The following EHD3 variants were observed in gnomAD, a reference collection of about 807,000 sequenced individuals.
EHD3 encodes EH domain-containing protein 3.
Under a neutral mutation model 43.0 loss-of-function variants are expected in EHD3, and 17 were observed. The ratio of observed to expected loss-of-function variants is 0.40; its 90% CI spans 0.27 to 0.59. The LOEUF (loss-of-function observed/expected upper bound fraction) is 0.59. EHD3 is among the 20% of genes least tolerant of loss of function. The probability of loss-of-function intolerance (pLI) is 0.49; values close to 1 mark genes in which losing one functional copy is unlikely to be tolerated. For synonymous variants in EHD3, 313 were observed against 289.5 expected (o/e 1.08, Z -0.82); for missense variants, 594 against 705.6 (o/e 0.84, Z 1.79).
At chr2:31,253,709 C>T (rs1163647491) in intron 3 of EHD3, among the ~76,000 whole-genome samples, 1 of 152,090 alleles carries the variant, frequency 6.6e-6, no homozygotes, top group Non-Finnish European at 1.5e-5. Flanking sequence ...AGGGTGTGGA[C>T]CCTCTACTGG....
At chr2:31,237,258 T>A (rs1362679609) in intron 1 of EHD3, among the ~76,000 whole-genome samples, 2 of 151,860 alleles carry the variant, frequency 1.3e-5, no homozygotes, top group Non-Finnish European at 2.9e-5. Context: ...ATCCCATGAC[T>A]TAGGAGAAGC....
rs772612135 is a variant in EHD3, at chr2:31,244,413, A to C, written c.367A>C (p.Arg123=). 1 of 1,614,180 alleles carries C rather than the reference A, an allele frequency of 6.2e-7. No homozygotes were observed. Among genetic ancestry groups the C allele is most frequent in the Non-Finnish European group, 8.5e-7 (1 of 1,180,032 alleles). ...ALVVDPKKPF[R]KLNAFGNAFL... is the part of the protein sequence containing the mutation. ...GGTGGTGGATCCCAAGAAACCCTTC[A>C]GGAAACTCAACGCCTTTGGCAACGC... is the stretch of plus-strand genomic sequence containing the variant. The change falls in exon 2 of 6, where the codon AGG becomes CGG. Residue 123 remains arginine, a synonymous_variant. Coordinates refer to ENST00000322054, the MANE Select transcript of EHD3 (RefSeq NM_014600.3).
chr2:31,250,268 C>CT lies in EHD3; in HGVS notation c.502+817dup, dbSNP rs34290931. On this transcript the variant is annotated intron_variant, in intron 3 of 5. Coordinates refer to ENST00000322054, the MANE Select transcript of EHD3 (RefSeq NM_014600.3). The stretch of plus-strand genomic sequence containing the variant: ...TGATCATCATCATCATCGTTGTTTT[C>CT]TTTTTTTTTTTTTTTTTGAGACAGA... Among the ~76,000 whole-genome samples, 664 of 126,066 alleles carry CT rather than the reference C, an allele frequency of 5.3e-3. 6 individuals are homozygous for CT. Among genetic ancestry groups the CT allele is most frequent in the African/African-American group, 0.015 (551 of 35,990 alleles). The allele number at this position is 126,066 out of a possible 152,430, so 82.7% of individuals were successfully genotyped here.
chr2:31,245,594 T>C (rs1322056624), intron 2 of EHD3, among the ~76,000 whole-genome samples: 1 of 143,618 alleles, frequency 7.0e-6, no homozygotes, highest in African/African-American at 2.6e-5. Context: ...GGAGTTTCAC[T>C]CTTGTTGCCC....
chr2:31,241,718 C>A (rs1683428318), intron 1 of EHD3, among the ~76,000 whole-genome samples: 1 of 151,492 alleles, frequency 6.6e-6, no homozygotes. Context: ...GAGTTAAGTA[C>A]CCCCTGAAGA....
chr2:31,262,601 G>T (rs948626951), intron 5 of EHD3, among the ~76,000 whole-genome samples: 2 of 152,206 alleles, frequency 1.3e-5, no homozygotes, highest in African/African-American at 4.8e-5. Flanking sequence ...TACAATGTTT[G>T]CAACTTCTTA....
chr2:31,242,918 C>G (rs898534504), intron 1 of EHD3, among the ~76,000 whole-genome samples: 5 of 151,796 alleles, frequency 3.3e-5, no homozygotes, highest in African/African-American at 1.2e-4. Context: ...TGAGATCATG[C>G]CATTGCACTC....
chr2:31,263,453 A>G (rs1683890019), intron 5 of EHD3, among the ~76,000 whole-genome samples: 1 of 152,188 alleles, frequency 6.6e-6, no homozygotes, highest in Admixed American at 6.5e-5. Context: ...GTGGGTGTCC[A>G]TCGTAGGGTA....
chr2:31,252,283 C>T (rs1444331864), intron 3 of EHD3, among the ~76,000 whole-genome samples: 1 of 152,202 alleles, frequency 6.6e-6, no homozygotes, highest in African/African-American at 2.4e-5. Flanking sequence ...CTTCCTCCCT[C>T]CCTCCCTGTC....
At position 31,266,684 on chromosome 2, in the gene EHD3, A is replaced by G; in HGVS notation, c.1588A>G (p.Lys530Glu). 6.2e-7 allele frequency: 1 copy of G among 1,606,546 alleles called. No individual in the cohort carries two copies. The highest frequency in any genetic ancestry group is 8.5e-7 in the Non-Finnish European group (1 of 1,175,200). ...ELPAHLLPPS[K>E]RKVAE ...GCCTGCCCACCTCCTGCCCCCGTCC[A>G]AGAGGAAAGTTGCCGAGTGATGGGG... The change falls in exon 6 of 6, where the codon AAG (lysine) becomes GAG (glutamate). Residue 530 changes from lysine (K) to glutamate (E), a missense_variant. Physicochemically the swap from Lys to Glu is moderately conservative, Grantham distance 56 (BLOSUM62 1). Coordinates refer to ENST00000322054, the MANE Select transcript of EHD3 (RefSeq NM_014600.3). This position sits in a 1 kb window ranked among gnomAD's most constrained non-coding sequence, Gnocchi z 5.1.
chr2:31,248,891 G>T (rs1282588649), intron 2 of EHD3, among the ~76,000 whole-genome samples: 1 of 152,142 alleles, frequency 6.6e-6, no homozygotes, highest in Non-Finnish European at 1.5e-5. Context: ...AGTCCCTCCT[G>T]CCCCGCTAGT....
At chr2:31,263,001 C>A (rs1183195607) in intron 5 of EHD3, among the ~76,000 whole-genome samples, 3 of 152,196 alleles carry the variant, frequency 2.0e-5, no homozygotes, top group Non-Finnish European at 4.4e-5. Flanking sequence ...TTGTTTTGAT[C>A]TTTAGCTTGG....
chr2:31,248,403 G>T (rs1001734064), intron 2 of EHD3, among the ~76,000 whole-genome samples: 6 of 152,114 alleles, frequency 3.9e-5, no homozygotes, highest in Non-Finnish European at 8.8e-5. Flanking sequence ...CACTACATCT[G>T]ACTTCTCTCA....
At chr2:31,252,472 T>TGTTGC (rs1558649683) in intron 3 of EHD3, among the ~76,000 whole-genome samples, 2 of 152,056 alleles carry the variant, frequency 1.3e-5, no homozygotes, top group African/African-American at 4.8e-5. Flanking sequence ...GTTGTTGTTG[T>TGTTGC]TGTTGCTGTT....
chr2:31,245,738 T>TC (rs1683509671), intron 2 of EHD3, among the ~76,000 whole-genome samples: 1 of 139,956 alleles, frequency 7.1e-6, no homozygotes, highest in Non-Finnish European at 1.5e-5. Context: ...ATTTTGTGTT[T>TC]TTTTTTTTTT....
chr2:31,244,597 CT>C (rs1683484617), intron 2 of EHD3, 147 bp downstream of exon 2: 1 of 908,338 alleles, frequency 1.1e-6, no homozygotes, highest in African/African-American at 1.7e-5. Flanking sequence ...CCCTTGCTTG[CT>C]GAGAGTGTAA....
intron 3 of EHD3, among the ~76,000 whole-genome samples, chr2:31,253,246 CCACACACACACACACACACACA>C (rs34392955): frequency 7.0e-6 from 1 of 142,014 alleles, no homozygotes; most frequent in Non-Finnish European, 1.5e-5. Context: ...CAACCCCCTC[CCACACACACACACACACACACA>C]CACACACACA....
Position 31,266,795 on chromosome 2 carries a change from AACAT to A in EHD3, c.*92_*95del. On this transcript the variant is annotated 3_prime_UTR_variant, in exon 6 of 6. Coordinates refer to ENST00000322054, the MANE Select transcript of EHD3 (RefSeq NM_014600.3). The surrounding 1 kb of genome is among the most constrained non-coding windows in gnomAD (Gnocchi z 5.1). ...ACACACACACACACACACACACACA[AACAT>A]GCACACACACATATGCATATCTTGA... 5.8e-6 allele frequency: 6 copies of A among 1,034,850 alleles called. No individual in the cohort carries two copies. In the South Asian group the frequency reaches 1.0e-4, roughly 18 times the overall value. The allele number at this position is 1,034,850 out of a possible 1,614,324, so 64.1% of individuals were successfully genotyped here. A position where few individuals can be genotyped will look rare whatever the true frequency, so the allele number is the denominator to read the frequency against.
rs1425160931 is a variant in EHD3, at chr2:31,266,065, T to C, written c.1081-112T>C. On this transcript the variant is annotated intron_variant, in intron 5 of 5. Coordinates refer to ENST00000322054, the MANE Select transcript of EHD3 (RefSeq NM_014600.3). The surrounding 1 kb of genome is among the most constrained non-coding windows in gnomAD (Gnocchi z 5.1). ...GAGCCTCTAGGTCACAGGTCTTTCATTGTAGAAAGGGATCAGCTGTGAACA... is the reference window on the plus strand; with the variant it reads ...GAGCCTCTAGGTCACAGGTCTTTCACTGTAGAAAGGGATCAGCTGTGAACA... 18 of 1,350,784 alleles carry C rather than the reference T, an allele frequency of 1.3e-5. No individual in the cohort carries two copies. The highest frequency in any genetic ancestry group is 1.6e-5 in the Non-Finnish European group (16 of 1,002,200). 83.7% of individuals were successfully genotyped at this position (1,350,784 alleles called of 1,614,324 possible). A position where few individuals can be genotyped will look rare whatever the true frequency, so the allele number is the denominator to read the frequency against.
Sources: allele counts gnomAD v4.1 joint callset (sites outside exome capture counted in the v4.1 genomes callset), GRCh38; gene constraint gnomAD v4.1.1; non-coding constraint Gnocchi (gnomAD v3.1); transcripts MANE v1.5; gene names NCBI Gene and HGNC (gene_info 2026-07-23, HGNC 2026-07-21).